Variants in PHKA1 observed in about 807,000 individuals in gnomAD.
PHKA1 encodes the protein phosphorylase b kinase regulatory subunit alpha, skeletal muscle isoform.
PHKA1 carries 60 observed loss-of-function variants against 110.2 expected under a neutral mutation model. That is an observed-to-expected ratio of 0.54 (90% confidence interval 0.44 to 0.68). The LOEUF (loss-of-function observed/expected upper bound fraction) is 0.68. Ranked by LOEUF, PHKA1 falls within the 30% of genes least tolerant of loss-of-function variation. The pLI is 0.00. For synonymous variants in PHKA1, 316 were observed against 333.6 expected, an observed-to-expected ratio of 0.95 and a Z score of 0.58; for missense variants, 801 against 942.5, an observed-to-expected ratio of 0.85 and a Z score of 1.97.
At chrX:72,690,085 A>C (rs1351887339) in intron 4 of PHKA1, among the ~76,000 whole-genome samples, 1 of 111,833 alleles carries the variant, frequency 8.9e-6, no homozygotes, top group Non-Finnish European at 1.9e-5. Context: ...AAGTTCTGCG[A>C]GTTCTTTTAG....
intron 4 of PHKA1, among the ~76,000 whole-genome samples, chrX:72,684,992 TTGCA>T (rs2053951960): frequency 9.0e-6 from 1 of 111,687 alleles, no homozygotes; most frequent in Admixed American, 9.5e-5. Context: ...AGGACTTAAA[TTGCA>T]TTTTTAAGTA....
intron 8 of PHKA1, among the ~76,000 whole-genome samples, chrX:72,658,759 A>G (rs2147769850): frequency 8.9e-6 from 1 of 112,263 alleles, no homozygotes; most frequent in South Asian, 3.7e-4. Flanking sequence ...TGGGAAGGAT[A>G]CCACAGAAGT....
rs781788697 is a variant in PHKA1 at position 72,633,472 on chromosome X, ATAG to A, written c.1714+1680_1714+1682del. On this transcript the variant is annotated intron_variant, in intron 16 of 31. Coordinates refer to ENST00000373542, the MANE Select transcript of PHKA1 (RefSeq NM_002637.4). ...GATCTTGGACTTCCTAGCTCCCAGA[ATAG>A]TACAAAATAAAATTCTATTGTTTAT... Among the ~76,000 whole-genome samples the A allele has an allele frequency of 1.9e-4, 21 of 111,891 alleles. No homozygotes were observed. In the East Asian group the frequency reaches 4.8e-3, roughly 26 times the overall value.
chrX:72,642,955 A>G (rs2053315207), intron 14 of PHKA1, among the ~76,000 whole-genome samples: 1 of 111,647 alleles, frequency 9.0e-6, no homozygotes, highest in Non-Finnish European at 1.9e-5. Context: ...CTAAGATGGA[A>G]GAAAGAAATC....
intron 25 of PHKA1, among the ~76,000 whole-genome samples, chrX:72,604,943 C>T (rs1427569976): frequency 9.0e-6 from 1 of 111,573 alleles, no homozygotes; most frequent in Non-Finnish European, 1.9e-5. Context: ...CGCTCCACTG[C>T]CTAAATCTTA....
At chrX:72,713,699 CA>C (rs1556335792) in intron 1 of PHKA1, 103 bp downstream of exon 1, 34 of 621,998 alleles carry the variant, frequency 5.5e-5, no homozygotes, top group African/African-American at 4.3e-4. Context: ...CACACACACA[CA>C]CCCACACACG....
intron 10 of PHKA1, among the ~76,000 whole-genome samples, chrX:72,655,642 A>G (rs2053484272): frequency 9.2e-6 from 1 of 108,640 alleles, no homozygotes; most frequent in Admixed American, 9.7e-5. Flanking sequence ...TTTTTTTTTG[A>G]GACGGAGTCT....
intron 6 of PHKA1, among the ~76,000 whole-genome samples, chrX:72,670,704 A>G (rs2053682103): frequency 1.8e-5 from 2 of 111,971 alleles, no homozygotes; most frequent in East Asian, 2.8e-4. Flanking sequence ...CTGGTAAACC[A>G]AATCCAGCAG....
chrX:72,661,286 T>G (rs1556303859), intron 8 of PHKA1, among the ~76,000 whole-genome samples: 4 of 111,885 alleles, frequency 3.6e-5, no homozygotes, highest in African/African-American at 1.3e-4. Flanking sequence ...GGTTTTGTAT[T>G]TTTTTCCCTG....
chrX:72,652,857 A>G (rs1358563965), intron 11 of PHKA1, among the ~76,000 whole-genome samples: 1 of 111,551 alleles, frequency 9.0e-6, no homozygotes. Context: ...GTTAAAATGC[A>G]GATTCTGATT....
At chrX:72,626,827 G>T in intron 17 of PHKA1, 144 bp downstream of exon 17, 1 of 524,392 alleles carries the variant, frequency 1.9e-6, no homozygotes, top group South Asian at 2.6e-5. Context: ...ACTACAGGTT[G>T]ACCACGGGTA....
At chrX:72,639,304 A>T (rs1556293740) in intron 14 of PHKA1, among the ~76,000 whole-genome samples, 2 of 111,564 alleles carry the variant, frequency 1.8e-5, no homozygotes, top group African/African-American at 6.5e-5. Context: ...GAAGGAGGCC[A>T]AGGTGGGCAG....
intron 31 of PHKA1, among the ~76,000 whole-genome samples, chrX:72,581,982 T>C (rs1556202817): frequency 8.9e-6 from 1 of 112,293 alleles, no homozygotes; most frequent in Non-Finnish European, 1.9e-5. Flanking sequence ...TATAGGTGAA[T>C]AGCAAAAGCA....
chrX:72,690,327 T>C (rs2054019379), intron 4 of PHKA1, among the ~76,000 whole-genome samples: 1 of 111,597 alleles, frequency 9.0e-6, no homozygotes, highest in Non-Finnish European at 1.9e-5. Flanking sequence ...AAGTGTTTGT[T>C]ATGTATTGAA....
intron 28 of PHKA1, among the ~76,000 whole-genome samples, chrX:72,599,129 T>A (rs1556238442): frequency 8.9e-6 from 1 of 111,758 alleles, no homozygotes; most frequent in African/African-American, 3.2e-5. Context: ...CCTATGTTAG[T>A]GTGGATATGA....
At chrX:72,601,114 T>C (rs370117297) in intron 28 of PHKA1, among the ~76,000 whole-genome samples, 53 of 111,526 alleles carry the variant, frequency 4.8e-4, no homozygotes, top group African/African-American at 1.6e-3. Context: ...AAGCAACCGC[T>C]CTCTATTCTC....
intron 29 of PHKA1, among the ~76,000 whole-genome samples, chrX:72,584,986 G>A (rs1428653825): frequency 3.0e-5 from 3 of 99,580 alleles, no homozygotes; most frequent in African/African-American, 1.1e-4. Context: ...CCACCTATGA[G>A]TGAGAACACG....
chrX:72,667,007 G>A (rs953696624), intron 7 of PHKA1, among the ~76,000 whole-genome samples: 4 of 112,307 alleles, frequency 3.6e-5, no homozygotes, highest in African/African-American at 1.3e-4. Flanking sequence ...ACAAGAGAAT[G>A]TTTCAGAAAC....
chrX:72,660,286 G>A (rs782281002), intron 8 of PHKA1, among the ~76,000 whole-genome samples: 1 of 111,858 alleles, frequency 8.9e-6, no homozygotes, highest in African/African-American at 3.2e-5. Flanking sequence ...AAATTCTCTA[G>A]TGCTGTATCT....
Sources: allele counts gnomAD v4.1 joint callset (sites outside exome capture counted in the v4.1 genomes callset), GRCh38; gene constraint gnomAD v4.1.1; transcripts MANE v1.5; gene names NCBI Gene and HGNC (gene_info 2026-07-23, HGNC 2026-07-21).